CYRIA: variants seen among roughly 807,000 people sequenced by gnomAD.
The protein encoded by CYRIA is CYFIP related Rac1 interactor A.
Under a neutral mutation model 43.9 loss-of-function variants are expected in CYRIA, and 15 were observed. That is an observed-to-expected ratio of 0.34 (90% confidence interval 0.23 to 0.53). The LOEUF is 0.53. CYRIA is among the 20% of genes least tolerant of loss of function. CYRIA has a pLI of 0.94. For synonymous variants in CYRIA, 117 were observed against 136.0 expected, an observed-to-expected ratio of 0.86 and a Z score of 0.97; for missense variants, 236 against 394.2, an observed-to-expected ratio of 0.60 and a Z score of 3.40.
At chr2:16,623,313 A>G (rs923675028) in intron 2 of CYRIA, among the ~76,000 whole-genome samples, 29 of 152,198 alleles carry the variant, frequency 1.9e-4, no homozygotes, top group Non-Finnish European at 3.7e-4. Flanking sequence ...AGTGACTGGG[A>G]GGAGGGGAGA....
At chr2:16,591,737 A>G (rs1447862442) in intron 2 of CYRIA, among the ~76,000 whole-genome samples, 1 of 152,260 alleles carries the variant, frequency 6.6e-6, no homozygotes, top group Non-Finnish European at 1.5e-5. Flanking sequence ...GTGAGAGCTT[A>G]TATCAGAGGG....
chr2:16,563,952 C>T (rs201916654), intron 5 of CYRIA, 37 bp downstream of exon 5: 8 of 1,480,842 alleles, frequency 5.4e-6, no homozygotes, highest in African/African-American at 4.2e-5. Context: ...AACAGAACTC[C>T]GTATGTGGGC....
intron 10 of CYRIA, among the ~76,000 whole-genome samples, chr2:16,556,158 T>C (rs1666506054): frequency 6.6e-6 from 1 of 152,134 alleles, no homozygotes; most frequent in Non-Finnish European, 1.5e-5. Flanking sequence ...TTTTCTGTCA[T>C]TGTGCTTCTT....
intron 1 of CYRIA, among the ~76,000 whole-genome samples, chr2:16,626,773 T>C (rs1669181093): frequency 6.6e-6 from 1 of 152,092 alleles, no homozygotes; most frequent in Admixed American, 6.5e-5. Flanking sequence ...CAGCATGCAT[T>C]TGCTCCCATC....
At chr2:16,574,413 G>A (rs1376471055) in intron 3 of CYRIA, among the ~76,000 whole-genome samples, 1 of 152,204 alleles carries the variant, frequency 6.6e-6, no homozygotes, top group African/African-American at 2.4e-5. Flanking sequence ...AAATTCAAGA[G>A]GGCTGCAGAA....
At chr2:16,638,867 C>T (rs1011192509) in intron 1 of CYRIA, among the ~76,000 whole-genome samples, 1 of 152,030 alleles carries the variant, frequency 6.6e-6, no homozygotes, top group African/African-American at 2.4e-5. Flanking sequence ...CTTCACCAAG[C>T]CTTCAATTAT....
In CYRIA at chr2:16,553,137, C is replaced by A. The variant is rs145427230; in HGVS notation, c.909-138G>T. ...AAATCCACACTTCAATGCTCACAGT[C>A]ATCTCAGATTTAATATTTGATTCTT... is the stretch of plus-strand genomic sequence containing the variant. On this transcript the variant is annotated intron_variant, in intron 11 of 11. Coordinates refer to ENST00000381323, the MANE Select transcript of CYRIA (RefSeq NM_030797.4). The A allele has an allele frequency of 7.4e-3, 4,786 of 650,154 alleles. 133 individuals carry two copies. Among genetic ancestry groups the A allele is most frequent in the South Asian group, 0.055 (3,051 of 55,240 alleles). The allele number at this position is 650,154 out of a possible 1,614,324, so 40.3% of individuals were successfully genotyped here.
chr2:16,588,562 G>C (rs1667815299), intron 2 of CYRIA, among the ~76,000 whole-genome samples: 1 of 152,054 alleles, frequency 6.6e-6, no homozygotes, highest in Non-Finnish European at 1.5e-5. Context: ...TACAGCAAAT[G>C]TTTCGGCTTT....
At chr2:16,553,121 C>A (rs1243828988) in intron 11 of CYRIA, 122 bp from the exon 12 acceptor site, 2 of 699,844 alleles carry the variant, frequency 2.9e-6, no homozygotes, top group Non-Finnish European at 5.3e-6. Context: ...AAAATCCACA[C>A]TTCAATGCTC....
At chr2:16,626,047 T>G (rs1669153201) in intron 1 of CYRIA, among the ~76,000 whole-genome samples, 1 of 152,086 alleles carries the variant, frequency 6.6e-6, no homozygotes, top group Admixed American at 6.5e-5. Context: ...CTCCATTTAC[T>G]TACTGAGGCT....
intron 1 of CYRIA, among the ~76,000 whole-genome samples, chr2:16,646,107 C>T (rs779872511): frequency 3.3e-5 from 5 of 152,158 alleles, no homozygotes; most frequent in Non-Finnish European, 7.3e-5. Context: ...TCTAGTCTTT[C>T]CCTCTCTGGG....
chr2:16,649,736 A>G (rs1408923178), intron 1 of CYRIA, among the ~76,000 whole-genome samples: 1 of 152,100 alleles, frequency 6.6e-6, no homozygotes, highest in African/African-American at 2.4e-5. Flanking sequence ...ATGGCTATAC[A>G]GCACAGGGCA....
chr2:16,604,583 A>C (rs914389735), intron 2 of CYRIA, among the ~76,000 whole-genome samples: 2 of 152,248 alleles, frequency 1.3e-5, no homozygotes, highest in African/African-American at 4.8e-5. Context: ...CTTCCATTTA[A>C]TCATCAGCTT....
intron 2 of CYRIA, among the ~76,000 whole-genome samples, chr2:16,612,576 A>C (rs1300736279): frequency 6.6e-6 from 1 of 152,234 alleles, no homozygotes; most frequent in Non-Finnish European, 1.5e-5. Context: ...GCAGGATTTG[A>C]GAAGAGCCTG....
chr2:16,565,254 C>T (rs1666885578), intron 4 of CYRIA, among the ~76,000 whole-genome samples: 1 of 151,478 alleles, frequency 6.6e-6, no homozygotes, highest in Non-Finnish European at 1.5e-5. Flanking sequence ...GCAACCTCAG[C>T]TCACTGAAAC....
intron 1 of CYRIA, among the ~76,000 whole-genome samples, chr2:16,652,247 AC>A (rs1669995413): frequency 6.6e-6 from 1 of 151,156 alleles, no homozygotes; most frequent in Non-Finnish European, 1.5e-5. Flanking sequence ...GCTCTTACCT[AC>A]CCCCCTCACA....
At chr2:16,641,919 C>T (rs2103536098) in intron 1 of CYRIA, among the ~76,000 whole-genome samples, 1 of 152,322 alleles carries the variant, frequency 6.6e-6, no homozygotes, top group Middle Eastern at 3.4e-3. Flanking sequence ...GAGTTATCAT[C>T]CCTTTTAGAA....
intron 4 of CYRIA, among the ~76,000 whole-genome samples, chr2:16,564,608 T>G (rs578142744): frequency 6.6e-6 from 1 of 152,292 alleles, no homozygotes; most frequent in East Asian, 1.9e-4. Flanking sequence ...TTGAGGATTA[T>G]GACGGTGGTG....
intron 1 of CYRIA, among the ~76,000 whole-genome samples, chr2:16,653,750 T>C (rs1322038249): frequency 2.0e-5 from 3 of 152,122 alleles, no homozygotes; most frequent in African/African-American, 7.2e-5. Flanking sequence ...CTGGGGAAGG[T>C]TTATGGCGAA....
Sources: allele counts gnomAD v4.1 joint callset (sites outside exome capture counted in the v4.1 genomes callset), GRCh38; gene constraint gnomAD v4.1.1; transcripts MANE v1.5; gene names NCBI Gene and HGNC (gene_info 2026-07-23, HGNC 2026-07-21).